The following CNOT1 variants were observed in gnomAD, a reference collection of about 807,000 sequenced individuals.
CNOT1 encodes the protein CCR4-NOT transcription complex subunit 1.
Under a neutral mutation model 273.8 loss-of-function variants are expected in CNOT1, and 15 were observed. The ratio of observed to expected loss-of-function variants is 0.05; its 90% CI spans 0.04 to 0.08. The LOEUF (loss-of-function observed/expected upper bound fraction) is 0.08. CNOT1 is among the 10% of genes least tolerant of loss of function. CNOT1 has a pLI of 1.00. For synonymous variants in CNOT1, 1,022 were observed against 1,005.5 expected (o/e 1.02, Z -0.31); for missense variants, 1,644 against 2,912.2 (o/e 0.56, Z 10.02).
At chr16:58,530,204 G>A in intron 43 of CNOT1, 42 bp downstream of exon 43, 1 of 1,477,170 alleles carries the variant, frequency 6.8e-7, no homozygotes, top group South Asian at 1.2e-5. Flanking sequence ...ATTTTCTTAA[G>A]ATCTCAGTTA....
intron 16 of CNOT1, among the ~76,000 whole-genome samples, chr16:58,563,559 C>T (rs1014299997): frequency 6.6e-6 from 1 of 152,120 alleles, no homozygotes; most frequent in Admixed American, 6.5e-5. Flanking sequence ...CATTAGTTTC[C>T]ACAAAAATGC....
rs577816392 is a variant in CNOT1, at chr16:58,525,366, A to C, written c.6604-7T>G. 8 of 1,612,336 alleles carry C rather than the reference A, an allele frequency of 5.0e-6. No individual in the cohort carries two copies. In the African/African-American group the frequency reaches 9.3e-5, roughly 19 times the overall value. ...TCCCAGGTTCATTGGATACCTTAAA[A>C]TGAGCAAAACAGAACTCCTTATGCT... On this transcript the variant is annotated splice_region_variant and splice_polypyrimidine_tract_variant and intron_variant, in intron 45 of 48. Coordinates refer to ENST00000317147, the MANE Select transcript of CNOT1 (RefSeq NM_016284.5).
intron 33 of CNOT1, 109 bp downstream of exon 33, chr16:58,542,122 T>C (rs1222863235): frequency 7.6e-7 from 1 of 1,321,268 alleles, no homozygotes; most frequent in Admixed American, 2.5e-5. Context: ...TGTTTTCTCA[T>C]AAACAATATT....
At chr16:58,562,809 C>T (rs577324657) in intron 16 of CNOT1, among the ~76,000 whole-genome samples, 2 of 151,924 alleles carry the variant, frequency 1.3e-5, no homozygotes, top group African/African-American at 4.8e-5. Context: ...GGTGACAGTG[C>T]GAGACTCCAT....
chr16:58,595,141 C>T (rs1048653271), intron 2 of CNOT1, among the ~76,000 whole-genome samples: 2 of 150,758 alleles, frequency 1.3e-5, no homozygotes, highest in African/African-American at 4.9e-5. Context: ...GTGAATTTTA[C>T]AACCTATGGA....
chr16:58,559,956 A>AT, intron 17 of CNOT1: 2 of 1,019,392 alleles, frequency 2.0e-6, no homozygotes, highest in South Asian at 2.5e-5. Context: ...TACGTAATTC[A>AT]TATTTTAAAA....
intron 2 of CNOT1, among the ~76,000 whole-genome samples, chr16:58,593,431 T>C (rs2042133434): frequency 1.3e-5 from 2 of 152,108 alleles, no homozygotes; most frequent in South Asian, 4.1e-4. Flanking sequence ...TAGTGGCACA[T>C]GCCTGTAATC....
chr16:58,526,816 T>TCAAAA (rs1309981856), intron 44 of CNOT1, among the ~76,000 whole-genome samples: 1 of 53,534 alleles, frequency 1.9e-5, no homozygotes, highest in Non-Finnish European at 3.0e-5. Context: ...AAACTCCGTC[T>TCAAAA]CAAAAAAAAA....
At chr16:58,555,132 C>A in intron 21 of CNOT1, 119 bp downstream of exon 21, 2 of 1,426,204 alleles carry the variant, frequency 1.4e-6, no homozygotes, top group South Asian at 1.4e-5. Flanking sequence ...CACTTGAGCC[C>A]GCAAGGTCAA....
At chr16:58,567,657 G>C (rs1371499875) in intron 16 of CNOT1, among the ~76,000 whole-genome samples, 1 of 151,448 alleles carries the variant, frequency 6.6e-6, no homozygotes, top group Non-Finnish European at 1.5e-5. Context: ...AACTTTTTCA[G>C]AACTTTGGAA....
intron 44 of CNOT1, among the ~76,000 whole-genome samples, chr16:58,526,575 G>A (rs1347253055): frequency 6.8e-6 from 1 of 146,764 alleles, no homozygotes; most frequent in Non-Finnish European, 1.5e-5. Context: ...TGTAAACCCA[G>A]CACTTTGGGA....
In CNOT1 at chr16:58,587,224, G is replaced by C. The variant is rs1439683629; in HGVS notation, c.410C>G (p.Ser137Cys). 6.2e-7 allele frequency: 1 copy of C among 1,613,652 alleles called. No homozygotes were observed. The highest frequency in any genetic ancestry group is 1.1e-5 in the South Asian group (1 of 91,032). Residue 137 changes from serine (S) to cysteine (C), a missense_variant, in exon 6 of 49, where the codon TCC (serine) becomes TGC (cysteine). By Grantham distance (112) the Ser-to-Cys change is moderately radical. Around this residue, in one of 13 missense-constraint regions of CNOT1, gnomAD observed 706 missense variants for 1,021.2 expected, o/e 0.69. Coordinates refer to ENST00000317147, the MANE Select transcript of CNOT1 (RefSeq NM_016284.5). ...VIFGLALLNS[S>C]SSDLRGFAAQ... ...ACCGAAACCTCTAAGATCTGAGCTG[G>C]AAGAATTCAACAGGGCAAGGCCAAA... is the stretch of plus-strand genomic sequence containing the variant.
intron 1 of CNOT1, among the ~76,000 whole-genome samples, chr16:58,610,886 A>C (rs1462077675): frequency 6.6e-6 from 1 of 151,488 alleles, no homozygotes; most frequent in Non-Finnish European, 1.5e-5. Context: ...AATACAAAAA[A>C]ATCAGCCGGG....
chr16:58,565,789 C>T (rs1031327789), intron 16 of CNOT1, among the ~76,000 whole-genome samples: 2 of 151,972 alleles, frequency 1.3e-5, no homozygotes, highest in Admixed American at 1.3e-4. Flanking sequence ...ACCAAAAATA[C>T]AAAAAATTAG....
At chr16:58,564,745 C>T (rs1275332806) in intron 16 of CNOT1, among the ~76,000 whole-genome samples, 4 of 152,018 alleles carry the variant, frequency 2.6e-5, no homozygotes, top group Admixed American at 1.3e-4. Flanking sequence ...GCCTGGCCAA[C>T]ATGATGAAAC....
chr16:58,584,398 T>C (rs1023011805), intron 8 of CNOT1, among the ~76,000 whole-genome samples: 13 of 151,896 alleles, frequency 8.6e-5, no homozygotes, highest in African/African-American at 3.1e-4. Flanking sequence ...TGGCACGATC[T>C]TGGCTCACTG....
intron 1 of CNOT1, among the ~76,000 whole-genome samples, chr16:58,617,534 A>C (rs2043134999): frequency 6.6e-6 from 1 of 152,192 alleles, no homozygotes; most frequent in Non-Finnish European, 1.5e-5. Flanking sequence ...TGGTAAGTAC[A>C]AGAATTTTCC....
Position 58,521,025 on chromosome 16 carries a change from G to A in CNOT1, c.7064C>T (p.Ser2355Leu). Residue 2355 changes from serine (S) to leucine (L), a missense_variant, in exon 49 of 49, where the codon TCG becomes TTG. Transcript: ENST00000317147. ...CTGTCCCATGCAGCACTGTGCGACC[G>A]ACTGGAATAACCTGAAGGATGAAGA... ...CAPEIEKLFQSVAQCCMGQKQ... is the reference protein window; with the variant it reads ...CAPEIEKLFQLVAQCCMGQKQ... The A allele has an allele frequency of 6.2e-7, 1 of 1,614,036 alleles. No homozygotes were observed. Among genetic ancestry groups the A allele is most frequent in the Non-Finnish European group, 8.5e-7 (1 of 1,180,040 alleles).
chr16:58,549,993 T>C, intron 24 of CNOT1, 95 bp from the exon 25 acceptor site: 2 of 1,534,514 alleles, frequency 1.3e-6, no homozygotes, highest in South Asian at 1.3e-5. Flanking sequence ...CATGGCTCCT[T>C]GCAAAACTAA....
Sources: gnomAD v4.1 joint callset for allele counts (sites outside exome capture counted in the v4.1 genomes callset) on GRCh38, gnomAD v4.1.1 for gene constraint, gnomAD v4.1.1 regional missense constraint, MANE v1.5 for transcripts, NCBI Gene and HGNC (gene_info 2026-07-23, HGNC 2026-07-21) for gene names.